CARMIL1: variants seen among roughly 807,000 people sequenced by gnomAD.
CARMIL1 encodes capping protein regulator and myosin 1 linker 1, also known as F-actin-uncapping protein LRRC16A.
CARMIL1 carries 90 observed loss-of-function variants against 177.1 expected under a neutral mutation model. That is an observed-to-expected ratio of 0.51 (90% CI 0.43 to 0.61). The LOEUF is 0.61. Among genes scored for constraint, CARMIL1 ranks in the 20% least tolerant of loss-of-function variants. The probability of loss-of-function intolerance (pLI) is 0.00; values close to 1 mark genes in which losing one functional copy is unlikely to be tolerated. For missense variants in CARMIL1, 1,380 were observed against 1,667.0 expected, an observed-to-expected ratio of 0.83 and a Z score of 3.00; for synonymous variants, 577 against 606.2, an observed-to-expected ratio of 0.95 and a Z score of 0.71.
At chr6:25,411,227 A>G (rs1399809792) in intron 2 of CARMIL1, among the ~76,000 whole-genome samples, 3 of 152,122 alleles carry the variant, frequency 2.0e-5, no homozygotes, top group African/African-American at 7.2e-5. Flanking sequence ...CTGCTCACCC[A>G]ATAGTTGAGG....
At chr6:25,396,576 G>C (rs190603892) in intron 2 of CARMIL1, among the ~76,000 whole-genome samples, 25 of 152,136 alleles carry the variant, frequency 1.6e-4, no homozygotes, top group Admixed American at 5.9e-4. Context: ...TGGCCAGGCT[G>C]GTCTCGAACT....
intron 29 of CARMIL1, 147 bp downstream of exon 29, chr6:25,556,997 A>T: frequency 4.8e-6 from 4 of 826,476 alleles, no homozygotes. Context: ...AAAGTCCTAA[A>T]GAGGCCGCTA....
intron 26 of CARMIL1, among the ~76,000 whole-genome samples, chr6:25,544,346 G>A (rs757433619): frequency 2.0e-5 from 3 of 151,994 alleles, no homozygotes; most frequent in African/African-American, 4.8e-5. Flanking sequence ...TGAAGATAAA[G>A]ATCTTGAAAG....
chr6:25,446,452 C>T (rs1038734230), intron 5 of CARMIL1, among the ~76,000 whole-genome samples: 115 of 152,318 alleles, frequency 7.5e-4, no homozygotes, highest in African/African-American at 2.5e-3. Flanking sequence ...CATGAACCAA[C>T]GTTTGGTAGC....
At chr6:25,325,056 A>G (rs780033643) in intron 2 of CARMIL1, among the ~76,000 whole-genome samples, 2 of 152,208 alleles carry the variant, frequency 1.3e-5, no homozygotes, top group Non-Finnish European at 2.9e-5. Context: ...ATGTGGCAAC[A>G]TTAGTTCTAG....
chr6:25,468,351 T>A (rs1291248830), intron 9 of CARMIL1, among the ~76,000 whole-genome samples: 1 of 152,206 alleles, frequency 6.6e-6, no homozygotes, highest in African/African-American at 2.4e-5. Flanking sequence ...TTTTAGTCTT[T>A]AGGGAATGAC....
intron 17 of CARMIL1, among the ~76,000 whole-genome samples, chr6:25,504,744 T>C (rs1250973604): frequency 6.6e-6 from 1 of 152,190 alleles, no homozygotes; most frequent in East Asian, 1.9e-4. Context: ...AAAAGGAGTC[T>C]CTTTTGTGTA....
chr6:25,538,100 G>C, intron 25 of CARMIL1, 117 bp downstream of exon 25: 1 of 1,138,044 alleles, frequency 8.8e-7, no homozygotes, highest in Non-Finnish European at 1.2e-6. Context: ...TTACTAACAA[G>C]TGGCAAAGTG....
At chr6:25,521,418 T>C (rs541406559) in intron 23 of CARMIL1, among the ~76,000 whole-genome samples, 8 of 152,204 alleles carry the variant, frequency 5.3e-5, no homozygotes, top group African/African-American at 1.9e-4. Context: ...ACAAAGACAG[T>C]TTGTGAGCAG....
In CARMIL1 at chr6:25,379,761, T is replaced by C. The variant is rs866035100; in HGVS notation, c.139-40353T>C. 5.9e-5 allele frequency among the ~76,000 whole-genome samples: 9 copies of C among 152,326 alleles called. No individual in the cohort carries two copies. In the South Asian group the frequency reaches 1.9e-3, roughly 32 times the overall value. On this transcript the variant is annotated intron_variant, in intron 2 of 36. Coordinates refer to ENST00000329474, the MANE Select transcript of CARMIL1 (RefSeq NM_017640.6). ...TTCCAAAAGGGCACTTTTCTGTGAA[T>C]AGCCTTTTAGCCTGGTTAAGTAAAC...
At chr6:25,542,391 A>G (rs1809004818) in intron 26 of CARMIL1, among the ~76,000 whole-genome samples, 2 of 152,316 alleles carry the variant, frequency 1.3e-5, no homozygotes, top group South Asian at 4.1e-4. Flanking sequence ...TTTTCTGTAA[A>G]TAGGCATTTC....
chr6:25,482,500 T>C (rs1299624633), intron 12 of CARMIL1, among the ~76,000 whole-genome samples, 157 bp downstream of exon 12: 1 of 152,246 alleles, frequency 6.6e-6, no homozygotes, highest in African/African-American at 2.4e-5. Context: ...ATAAAGACTT[T>C]ATGTAATTCA....
At chr6:25,574,614 TG>T (rs1225379520) in intron 29 of CARMIL1, among the ~76,000 whole-genome samples, 1 of 152,246 alleles carries the variant, frequency 6.6e-6, no homozygotes, top group African/African-American at 2.4e-5. Flanking sequence ...GTTTGTTTTT[TG>T]TGTTCAAACA....
At chr6:25,317,455 G>C (rs1277430753) in intron 2 of CARMIL1, among the ~76,000 whole-genome samples, 1 of 150,672 alleles carries the variant, frequency 6.6e-6, no homozygotes, top group Non-Finnish European at 1.5e-5. Context: ...CTTTTATTTA[G>C]TGAGAGCCAT....
At chr6:25,539,416 T>C (rs1347801209) in intron 25 of CARMIL1, among the ~76,000 whole-genome samples, 1 of 151,532 alleles carries the variant, frequency 6.6e-6, no homozygotes, top group Non-Finnish European at 1.5e-5. Flanking sequence ...GTGACAGAAG[T>C]GTTGTGAGTA....
At chr6:25,449,108 C>A (rs1798532615) in intron 5 of CARMIL1, among the ~76,000 whole-genome samples, 1 of 152,056 alleles carries the variant, frequency 6.6e-6, no homozygotes, top group African/African-American at 2.4e-5. Context: ...CCCAGGCTGG[C>A]CTTGAATTCC....
chr6:25,566,156 T>C (rs1333032306), intron 29 of CARMIL1, among the ~76,000 whole-genome samples: 1 of 152,206 alleles, frequency 6.6e-6, no homozygotes, highest in Non-Finnish European at 1.5e-5. Flanking sequence ...TTCACACTTC[T>C]ACCTTCACTG....
chr6:25,319,687 G>A (rs1784538708), intron 2 of CARMIL1, among the ~76,000 whole-genome samples: 1 of 151,654 alleles, frequency 6.6e-6, no homozygotes, highest in South Asian at 2.1e-4. Context: ...TAGAAGATAG[G>A]AACCTCTGCA....
At chr6:25,531,475 G>A (rs1035002763) in intron 24 of CARMIL1, among the ~76,000 whole-genome samples, 3 of 152,116 alleles carry the variant, frequency 2.0e-5, no homozygotes, top group African/African-American at 7.2e-5. Context: ...TGGTATGAAA[G>A]GTGTATTTTA....
Sources: allele counts gnomAD v4.1 joint callset (sites outside exome capture counted in the v4.1 genomes callset), GRCh38; gene constraint gnomAD v4.1.1; transcripts MANE v1.5; gene names NCBI Gene and HGNC (gene_info 2026-07-23, HGNC 2026-07-21).